The following CUL2 variants were observed in gnomAD, a reference collection of about 807,000 sequenced individuals.
The protein encoded by CUL2 is cullin-2.
In CUL2, 22 loss-of-function variants were observed where a neutral mutation model predicts 110.2. The observed-to-expected ratio is 0.20, with a 90% CI of 0.14 to 0.28. The LOEUF (loss-of-function observed/expected upper bound fraction) is 0.28, where lower values mean the gene tolerates loss of function less well. Ranked by LOEUF, CUL2 falls within the 10% of genes least tolerant of loss-of-function variation. The pLI, the probability that CUL2 is intolerant of heterozygous loss-of-function variation, is 1.00. For missense variants in CUL2, 631 were observed against 905.5 expected (o/e 0.70, Z 3.89); for synonymous variants, 279 against 293.2 (o/e 0.95, Z 0.49).
chr10:35,031,233 C>T lies in CUL2; in HGVS notation c.1386+67G>A. The T allele has an allele frequency of 1.0e-6, 1 of 980,150 alleles. No homozygotes were observed. The highest frequency in any genetic ancestry group is 1.6e-6 in the Non-Finnish European group (1 of 645,084). 60.7% of individuals were successfully genotyped at this position (980,150 alleles called of 1,614,324 possible). A position where few individuals can be genotyped will look rare whatever the true frequency, so the allele number is the denominator to read the frequency against. Reference sequence around the variant, plus strand: ...TTTCCTGTTACTGTACACAATGCTGCAATGAACATCTTTATGTGCTTGTGA... The same window carrying T: ...TTTCCTGTTACTGTACACAATGCTGTAATGAACATCTTTATGTGCTTGTGA... On this transcript the variant is annotated intron_variant, in intron 14 of 20. Transcript: ENST00000374749. This position sits in a 1 kb window ranked among gnomAD's most constrained non-coding sequence, Gnocchi z 4.4.
chr10:35,015,119 C>A (rs1209211627), intron 18 of CUL2, among the ~76,000 whole-genome samples: 2 of 151,904 alleles, frequency 1.3e-5, no homozygotes, highest in South Asian at 2.1e-4. Flanking sequence ...CATTGTGAAA[C>A]CCTATCTCTA....
At chr10:35,024,749 G>C (rs185884440) in intron 17 of CUL2, among the ~76,000 whole-genome samples, 3 of 152,254 alleles carry the variant, frequency 2.0e-5, no homozygotes, top group African/African-American at 7.2e-5. Flanking sequence ...AAAATCAAAT[G>C]GTTAGGTCTC....
intron 1 of CUL2, among the ~76,000 whole-genome samples, chr10:35,102,578 A>C (rs1224140422): frequency 6.6e-6 from 1 of 151,804 alleles, no homozygotes; most frequent in Admixed American, 6.6e-5. Flanking sequence ...TCTCAAAAAA[A>C]TAATAAAAAA....
At chr10:35,085,408 C>T (rs969037013) in intron 1 of CUL2, among the ~76,000 whole-genome samples, 31 of 150,776 alleles carry the variant, frequency 2.1e-4, no homozygotes, top group African/African-American at 5.1e-4. Context: ...CCAGCCTGGG[C>T]GACAAAGCGA....
In CUL2 at chr10:35,031,390, C is replaced by T. The variant is rs758275232; in HGVS notation, c.1300-4G>A. 9 of 1,605,062 alleles carry T rather than the reference C, an allele frequency of 5.6e-6. No homozygotes were observed. Among genetic ancestry groups the T allele is most frequent in the Non-Finnish European group, 7.7e-6 (9 of 1,175,392 alleles). ...TTGCCAGCATTCTTGCGTAGAACTA[C>T]ATTTAAAAATATTTTAAAAGATTAC... On this transcript the variant is annotated splice_polypyrimidine_tract_variant and splice_region_variant and intron_variant, in intron 13 of 20. Coordinates refer to ENST00000374749, the MANE Select transcript of CUL2 (RefSeq NM_003591.4). This position sits in a 1 kb window ranked among gnomAD's most constrained non-coding sequence, Gnocchi z 4.4.
chr10:35,050,838 A>T (rs2086084289), intron 5 of CUL2, among the ~76,000 whole-genome samples: 1 of 152,260 alleles, frequency 6.6e-6, no homozygotes, highest in African/African-American at 2.4e-5. Flanking sequence ...TCTGATATAC[A>T]TCTACAAGTT....
chr10:35,032,568 A>ATC (rs1344139655), intron 11 of CUL2, 74 bp from the exon 12 acceptor site: 1 of 1,156,802 alleles, frequency 8.6e-7, no homozygotes, highest in Admixed American at 2.6e-5. Flanking sequence ...ATAAGCCATA[A>ATC]TCTGTACATC....
chr10:35,098,336 G>A (rs183850044), intron 2 of CUL2, among the ~76,000 whole-genome samples: 89 of 152,254 alleles, frequency 5.8e-4, no homozygotes, highest in Admixed American at 2.0e-3. Context: ...TCAAAATTGG[G>A]AATACAGAGT....
intron 18 of CUL2, 95 bp downstream of exon 18, chr10:35,016,097 A>C (rs1053809932): frequency 9.7e-7 from 1 of 1,029,318 alleles, no homozygotes; most frequent in African/African-American, 1.6e-5. Context: ...TCCAGAGCAC[A>C]ATAACAATTA....
At chr10:35,050,582 ATCC>A (rs1257465067) in intron 5 of CUL2, among the ~76,000 whole-genome samples, 3 of 152,216 alleles carry the variant, frequency 2.0e-5, no homozygotes, top group African/African-American at 7.2e-5. Flanking sequence ...TGTCCCAGAT[ATCC>A]TCCTCCTTTC....
chr10:35,042,352 C>G (rs1401142368), intron 8 of CUL2, among the ~76,000 whole-genome samples: 1 of 152,116 alleles, frequency 6.6e-6, no homozygotes, highest in Non-Finnish European at 1.5e-5. Context: ...TTTTTAAAGA[C>G]TGTGTGGTGT....
chr10:35,086,025 T>G (rs2087056089), intron 1 of CUL2, among the ~76,000 whole-genome samples: 1 of 151,406 alleles, frequency 6.6e-6, no homozygotes, highest in East Asian at 2.0e-4. Flanking sequence ...AAGATAAAAA[T>G]AAAGAAACAA....
Position 35,049,776 on chromosome 10 carries a change from A to G in CUL2, c.424-11T>C, listed in dbSNP as rs1333385499. On this transcript the variant is annotated splice_polypyrimidine_tract_variant and intron_variant, in intron 5 of 20. Coordinates refer to ENST00000374749, the MANE Select transcript of CUL2 (RefSeq NM_003591.4). ...CATATCCAATGCTAGCTGCCGGGAA[A>G]AACGAAAATCATCAGGGCTGAATTA... 1 of 1,600,282 alleles carries G rather than the reference A, an allele frequency of 6.2e-7. No homozygotes were observed. Among genetic ancestry groups the G allele is most frequent in the Non-Finnish European group, 8.6e-7 (1 of 1,169,304 alleles).
chr10:35,038,892 A>T, intron 9 of CUL2, 28 bp downstream of exon 9: 1 of 1,492,736 alleles, frequency 6.7e-7, no homozygotes, highest in Non-Finnish European at 9.1e-7. Flanking sequence ...TTATAATTTA[A>T]TTTCTACTCA....
intron 8 of CUL2, among the ~76,000 whole-genome samples, chr10:35,044,051 C>CAAAAAAAAAAAAAAAAAAAAAAAA (rs534515519): frequency 1.1e-5 from 1 of 87,796 alleles, no homozygotes; most frequent in Non-Finnish European, 2.2e-5. Context: ...ACCACATCTC[C>CAAAAAAAAAAAAAAAAAAAAAAAA]AAAAAAAAAA....
At chr10:35,069,140 T>C (rs992815704) in intron 2 of CUL2, among the ~76,000 whole-genome samples, 1 of 152,168 alleles carries the variant, frequency 6.6e-6, no homozygotes, top group African/African-American at 2.4e-5. Flanking sequence ...CTGCTTGAAT[T>C]GTAGGCGTGA....
At chr10:35,032,908 T>C (rs574315181) in intron 11 of CUL2, among the ~76,000 whole-genome samples, 4 of 152,290 alleles carry the variant, frequency 2.6e-5, no homozygotes, top group Admixed American at 1.3e-4. Context: ...ATTGCAAAAT[T>C]ATGCATGTCT....
intron 1 of CUL2, among the ~76,000 whole-genome samples, chr10:35,109,065 T>C (rs1284791265): frequency 6.6e-6 from 1 of 151,994 alleles, no homozygotes; most frequent in Non-Finnish European, 1.5e-5. Flanking sequence ...ATACAAAAGT[T>C]AGCCAGGTGT....
At position 35,044,658 on chromosome 10, in the gene CUL2, CA is replaced by C; in HGVS notation, c.621del (p.Phe207LeufsTer6). On this transcript the variant is annotated frameshift_variant, in exon 8 of 21. Transcript: ENST00000374749. LOFTEE classifies it high-confidence loss of function. Reference sequence around the variant, plus strand: ...CCTGTTTCAGTCAGAAAGGGAGACTCAAAAATTTCCTGATAAAACTGAATAA... The same window carrying C: ...CCTGTTTCAGTCAGAAAGGGAGACTCAAAATTTCCTGATAAAACTGAATAA... ...KFPLKFYQEI[F>X]ESPFLTETGE... 1 of 1,607,886 alleles carries C rather than the reference CA, an allele frequency of 6.2e-7. No individual in the cohort carries two copies.
Sources: gnomAD v4.1 joint callset for allele counts (sites outside exome capture counted in the v4.1 genomes callset) on GRCh38, gnomAD v4.1.1 for gene constraint, Gnocchi (gnomAD v3.1) non-coding constraint, MANE v1.5 for transcripts, NCBI Gene and HGNC (gene_info 2026-07-23, HGNC 2026-07-21) for gene names.